Variants in SPNS3 observed in about 807,000 individuals in gnomAD.
SPNS3 encodes the protein protein spinster homolog 3.
SPNS3 carries 51 observed loss-of-function variants against 54.4 expected under a neutral mutation model. That is an observed-to-expected ratio of 0.94 (90% CI 0.75 to 1.18). The LOEUF (loss-of-function observed/expected upper bound fraction) is 1.18, where lower values mean the gene tolerates loss of function less well. Ranked by LOEUF, SPNS3 falls within the 50% of genes most tolerant of loss-of-function variation. The probability of loss-of-function intolerance (pLI) is 0.00; values close to 1 mark genes in which losing one functional copy is unlikely to be tolerated. For synonymous variants in SPNS3, 309 were observed against 294.7 expected, an observed-to-expected ratio of 1.05 and a Z score of -0.50; for missense variants, 669 against 677.4, an observed-to-expected ratio of 0.99 and a Z score of 0.14.
intron 8 of SPNS3, among the ~76,000 whole-genome samples, chr17:4,470,258 G>A (rs1047592106): frequency 7.2e-5 from 11 of 151,858 alleles, no homozygotes; most frequent in South Asian, 2.1e-4. Context: ...GTGAAACCCC[G>A]TCTCTACTAA....
chr17:4,434,763 C>T (rs1290050965), intron 1 of SPNS3, among the ~76,000 whole-genome samples: 1 of 150,804 alleles, frequency 6.6e-6, no homozygotes, highest in Non-Finnish European at 1.5e-5. Context: ...CCGCCTCGGC[C>T]TCCCAAAGTG....
chr17:4,469,249 C>T (rs184727634), intron 8 of SPNS3, among the ~76,000 whole-genome samples: 6 of 152,104 alleles, frequency 3.9e-5, no homozygotes, highest in Non-Finnish European at 8.8e-5. Flanking sequence ...CCGTGCCCAG[C>T]TAATTTCTGT....
chr17:4,447,236 C>A (rs912803277), intron 5 of SPNS3, among the ~76,000 whole-genome samples: 1 of 152,138 alleles, frequency 6.6e-6, no homozygotes, highest in Non-Finnish European at 1.5e-5. Context: ...GTTTGCCTGT[C>A]GGTAAAGCGG....
intron 8 of SPNS3, among the ~76,000 whole-genome samples, chr17:4,453,627 A>AAC (rs1459757390): frequency 6.6e-6 from 1 of 151,606 alleles, no homozygotes; most frequent in East Asian, 1.9e-4. Flanking sequence ...TGGGGGAAAA[A>AAC]AACAGAGAGA....
rs1971353307 is a variant in SPNS3, at chr17:4,457,761, CCCTGCAG to C, written c.1113+4561_1113+4567del. On this transcript the variant is annotated intron_variant, in intron 8 of 11. Transcript: ENST00000355530. ...AGCTGCCCCCCCCTCACCCCCTGCA[CCCTGCAG>C]CCTGGCGCATCTCTAGAGCTGGTTG... Among the ~76,000 whole-genome samples, 5 of 152,320 alleles carry C rather than the reference CCCTGCAG, an allele frequency of 3.3e-5. No individual in the cohort carries two copies. The South Asian group carries it at 1.0e-3, about 32-fold the overall frequency.
Position 4,434,076 on chromosome 17 carries a change from T to G in SPNS3, c.109T>G (p.Trp37Gly). The G allele has an allele frequency of 1.2e-6, 2 of 1,612,150 alleles. No individual in the cohort carries two copies. The change falls in exon 1 of 12, where the codon TGG (tryptophan) becomes GGG (glycine). Residue 37 changes from tryptophan (W) to glycine (G), a missense_variant. Physicochemically the swap from Trp to Gly is radical, Grantham distance 184. Coordinates refer to ENST00000355530, the MANE Select transcript of SPNS3 (RefSeq NM_182538.5). The part of the protein sequence containing the change: ...QCPPPITPTS[W>G]SLPPWRAYVA... Reference sequence around the variant, plus strand: ...TCCCCCTCCCATCACGCCCACCTCCTGGAGCCTGCCCCCGTGGAGGGCCTA... The same window carrying G: ...TCCCCCTCCCATCACGCCCACCTCCGGGAGCCTGCCCCCGTGGAGGGCCTA...
At chr17:4,482,900 G>T (rs868146032) in intron 9 of SPNS3, among the ~76,000 whole-genome samples, 1 of 152,300 alleles carries the variant, frequency 6.6e-6, no homozygotes, top group African/African-American at 2.4e-5. Flanking sequence ...ACGATCTCTG[G>T]ATCCCAACCA....
rs530801173 is a variant in SPNS3 at position 4,445,982 on chromosome 17, C to A, written c.403-66C>A. 80 of 1,529,020 alleles carry A rather than the reference C, an allele frequency of 5.2e-5. 1 individual carries two copies. In the African/African-American group the frequency reaches 1.0e-3, roughly 20 times the overall value. The allele number at this position is 1,529,020 out of a possible 1,614,324, so 94.7% of individuals were successfully genotyped here. On this transcript the variant is annotated intron_variant, in intron 3 of 11. Coordinates refer to ENST00000355530, the MANE Select transcript of SPNS3 (RefSeq NM_182538.5). ...AGGTCCCCTTGGCTCCTCCGACAAA[C>A]CCTCGGGTCCCTGGCCCTATGGGTG...
intron 8 of SPNS3, among the ~76,000 whole-genome samples, chr17:4,466,831 A>G (rs2144143911): frequency 6.6e-6 from 1 of 152,326 alleles, no homozygotes; most frequent in East Asian, 1.9e-4. Flanking sequence ...GTGACAGAGC[A>G]AGACTGCCTC....
At chr17:4,457,776 C>A (rs1342699612) in intron 8 of SPNS3, among the ~76,000 whole-genome samples, 1 of 152,164 alleles carries the variant, frequency 6.6e-6, no homozygotes, top group Non-Finnish European at 1.5e-5. Flanking sequence ...CAGCCTGGCG[C>A]ATCTCTAGAG....
chr17:4,435,468 T>A (rs149534503), intron 1 of SPNS3, among the ~76,000 whole-genome samples: 7,528 of 117,350 alleles, frequency 0.064, 241 homozygotes, highest in East Asian at 0.14. Context: ...AAATAAAAAA[T>A]AAATAAATAA....
intron 8 of SPNS3, among the ~76,000 whole-genome samples, chr17:4,461,635 T>G (rs1971509853): frequency 6.6e-6 from 1 of 152,088 alleles, no homozygotes; most frequent in South Asian, 2.1e-4. Context: ...GTGGCAACAA[T>G]GGCGATTGTG....
chr17:4,446,560 T>A, intron 4 of SPNS3: 1 of 518,930 alleles, frequency 1.9e-6, no homozygotes, highest in Non-Finnish European at 3.5e-6. Flanking sequence ...CAGAGCAGGA[T>A]TTGCAATCAG....
In SPNS3 at chr17:4,480,026, T is replaced by A. The variant is rs146683612; in HGVS notation, c.1179+1389T>A. On this transcript the variant is annotated intron_variant, in intron 9 of 11. Coordinates refer to ENST00000355530, the MANE Select transcript of SPNS3 (RefSeq NM_182538.5). Reference sequence around the variant, plus strand: ...TTGAAAGGGTTATGGGCATGTATAGTCGTTGAATCTGTCAACAAACCCTGC... The same window carrying A: ...TTGAAAGGGTTATGGGCATGTATAGACGTTGAATCTGTCAACAAACCCTGC... Among the ~76,000 whole-genome samples the A allele has an allele frequency of 7.4e-3, 1,127 of 152,388 alleles. 10 individuals are homozygous for A. Among genetic ancestry groups the A allele is most frequent in the Middle Eastern group, 0.02 (6 of 294 alleles).
intron 3 of SPNS3, 72 bp downstream of exon 3, chr17:4,445,240 T>A: frequency 6.7e-7 from 1 of 1,482,420 alleles, no homozygotes; most frequent in Admixed American, 2.0e-5. Flanking sequence ...TTCAGCCCCG[T>A]CAGAGCTGCG....
At chr17:4,451,264 TCC>T (rs1971157350) in intron 7 of SPNS3, among the ~76,000 whole-genome samples, 1 of 145,988 alleles carries the variant, frequency 6.8e-6, no homozygotes. Flanking sequence ...TTTTTTTTTT[TCC>T]ATTTGAGACA....
At chr17:4,487,676 G>A in intron 11 of SPNS3, 130 bp from the exon 12 acceptor site, 1 of 812,560 alleles carries the variant, frequency 1.2e-6, no homozygotes, top group South Asian at 1.6e-5. Context: ...TGATGACAAG[G>A]GGTTGGATCT....
chr17:4,445,999 C>A, intron 3 of SPNS3, 49 bp from the exon 4 acceptor site: 1 of 1,558,860 alleles, frequency 6.4e-7, no homozygotes, highest in South Asian at 1.2e-5. Flanking sequence ...GTCCCTGGCC[C>A]TATGGGTGAT....
chr17:4,476,186 C>T (rs887527182), intron 8 of SPNS3, among the ~76,000 whole-genome samples: 2 of 152,204 alleles, frequency 1.3e-5, no homozygotes, highest in African/African-American at 2.4e-5. Context: ...GTGGCCTCTC[C>T]GCAGCTGAGC....
Sources: gnomAD v4.1 joint callset for allele counts (sites outside exome capture counted in the v4.1 genomes callset) on GRCh38, gnomAD v4.1.1 for gene constraint, MANE v1.5 for transcripts, NCBI Gene and HGNC (gene_info 2026-07-23, HGNC 2026-07-21) for gene names.